FRMPD4: variants seen among roughly 807,000 people sequenced by gnomAD.
FRMPD4 encodes the protein FERM and PDZ domain containing 4, also known as FERM and PDZ domain-containing protein 4.
Under a neutral mutation model 94.1 loss-of-function variants are expected in FRMPD4, and 22 were observed. That is an observed-to-expected ratio of 0.23 (90% confidence interval 0.17 to 0.33). The LOEUF (loss-of-function observed/expected upper bound fraction) is 0.33. FRMPD4 is among the 10% of genes least tolerant of loss of function. FRMPD4 has a pLI of 1.00. For missense variants in FRMPD4, 1,111 were observed against 1,339.9 expected (o/e 0.83, Z 2.67); for synonymous variants, 631 against 548.6 (o/e 1.15, Z -2.10).
intron 1 of FRMPD4, among the ~76,000 whole-genome samples, chrX:12,342,831 T>C (rs766697748): frequency 1.8e-5 from 2 of 112,388 alleles, no homozygotes; most frequent in Middle Eastern, 4.6e-3. Flanking sequence ...AATTCATTTA[T>C]TCCTCATGAT....
At chrX:11,954,516 T>A (rs2054243847) in intron 3 of FRMPD4, among the ~76,000 whole-genome samples, 1 of 111,731 alleles carries the variant, frequency 9.0e-6, no homozygotes, top group Non-Finnish European at 1.9e-5. Context: ...GTTGAAGTGT[T>A]TTTTTCATGT....
intron 3 of FRMPD4, among the ~76,000 whole-genome samples, chrX:12,009,148 C>T (rs1235110703): frequency 8.9e-6 from 1 of 112,013 alleles, no homozygotes; most frequent in Non-Finnish European, 1.9e-5. Context: ...ATCTTGTGTT[C>T]TCACCACACA....
At chrX:11,987,123 A>C (rs1331819067) in intron 3 of FRMPD4, among the ~76,000 whole-genome samples, 1 of 97,330 alleles carries the variant, frequency 1.0e-5, no homozygotes, top group Non-Finnish European at 2.1e-5. Flanking sequence ...AAAAAAAAAA[A>C]AAAAAACAAC....
At chrX:12,425,750 A>C in intron 1 of FRMPD4, among the ~76,000 whole-genome samples, 1 of 112,099 alleles carries the variant, frequency 8.9e-6, no homozygotes, top group Non-Finnish European at 1.9e-5. Context: ...CTAGAGTGAG[A>C]AGGTCTTGAG....
intron 1 of FRMPD4, among the ~76,000 whole-genome samples, chrX:12,481,955 A>AAAAAATAAAT (rs2057689931): frequency 1.1e-5 from 1 of 94,856 alleles, no homozygotes; most frequent in Non-Finnish European, 2.1e-5. Context: ...AAAAAAAAAA[A>AAAAAATAAAT]AAAAAAAAAA....
At chrX:12,714,531 G>T (rs1368798942) in intron 14 of FRMPD4, among the ~76,000 whole-genome samples, 1 of 111,600 alleles carries the variant, frequency 9.0e-6, no homozygotes, top group Non-Finnish European at 1.9e-5. Flanking sequence ...TCTTTTGGGG[G>T]CCACCATTCA....
At chrX:12,279,818 A>G (rs1220333406) in intron 1 of FRMPD4, among the ~76,000 whole-genome samples, 3 of 110,929 alleles carry the variant, frequency 2.7e-5, no homozygotes, top group South Asian at 7.9e-4. Flanking sequence ...CAGAAGTGTC[A>G]TGCTACTCTG....
chrX:12,494,528 T>C (rs1377185231), intron 1 of FRMPD4, among the ~76,000 whole-genome samples: 1 of 111,403 alleles, frequency 9.0e-6, no homozygotes, highest in Non-Finnish European at 1.9e-5. Flanking sequence ...TCACATTCCT[T>C]CTCCCCTACG....
chrX:12,406,261 C>T lies in FRMPD4; in HGVS notation c.42-92419C>T, dbSNP rs151187995. 5.8e-3 allele frequency among the ~76,000 whole-genome samples: 645 copies of T among 111,538 alleles called. 4 individuals are homozygous for T. Among genetic ancestry groups the T allele is most frequent in the South Asian group, 9.4e-3 (25 of 2,652 alleles). On this transcript the variant is annotated intron_variant, in intron 1 of 16. Coordinates refer to ENST00000675598, the MANE Select transcript of FRMPD4 (RefSeq NM_001368397.1). ...TGGATTATGCTGATACATTCAAACACGCACAGATTTTCAGGAAATTTTCTG... is the reference window on the plus strand; with the variant it reads ...TGGATTATGCTGATACATTCAAACATGCACAGATTTTCAGGAAATTTTCTG...
rs759514038 is a variant in FRMPD4 at position 11,994,796 on chromosome X, A to G, written c.95+116778A>G. 9.8e-5 allele frequency among the ~76,000 whole-genome samples: 11 copies of G among 111,776 alleles called. No homozygotes were observed. In the East Asian group the frequency reaches 3.1e-3, roughly 31 times the overall value. On this transcript the variant is annotated intron_variant, in intron 3 of 18. Coordinates refer to the FRMPD4 transcript ENST00000640291. Reference sequence around the variant, plus strand: ...CACTTTGTGAGTGATAAGGGGGCTTATTCATCTCAGTAACTTGAACAGCCC... The same window carrying G: ...CACTTTGTGAGTGATAAGGGGGCTTGTTCATCTCAGTAACTTGAACAGCCC...
intron 1 of FRMPD4, among the ~76,000 whole-genome samples, chrX:12,472,436 G>A (rs2057524998): frequency 1.8e-5 from 2 of 112,480 alleles, no homozygotes; most frequent in East Asian, 2.8e-4. Flanking sequence ...ATATCTTGTT[G>A]TGGGGTCAGC....
intron 2 of FRMPD4, among the ~76,000 whole-genome samples, chrX:12,596,758 T>C (rs890147540): frequency 2.7e-5 from 3 of 111,354 alleles, no homozygotes; most frequent in Non-Finnish European, 5.6e-5. Flanking sequence ...TACTGCTACA[T>C]AGTTTTCCAA....
At chrX:12,146,072 G>T (rs755453921) in intron 1 of FRMPD4, among the ~76,000 whole-genome samples, 1 of 110,731 alleles carries the variant, frequency 9.0e-6, no homozygotes, top group Non-Finnish European at 1.9e-5. Context: ...TTTGAGAACT[G>T]TATTTCTCGG....
chrX:12,014,443 G>T (rs752855071), intron 3 of FRMPD4, among the ~76,000 whole-genome samples: 2 of 111,759 alleles, frequency 1.8e-5, no homozygotes, highest in South Asian at 3.8e-4. Context: ...CTACATTCCA[G>T]TTGTTTCATG....
intron 3 of FRMPD4, among the ~76,000 whole-genome samples, chrX:11,941,397 A>G (rs1031797265): frequency 9.0e-6 from 1 of 111,647 alleles, no homozygotes; most frequent in Admixed American, 9.5e-5. Flanking sequence ...CCTATAGGTC[A>G]TTCTGGTATT....
At chrX:12,541,514 C>A (rs1412217274) in intron 2 of FRMPD4, among the ~76,000 whole-genome samples, 1 of 111,831 alleles carries the variant, frequency 8.9e-6, no homozygotes, top group Non-Finnish European at 1.9e-5. Flanking sequence ...TTCCTGGACA[C>A]ACACATCCTC....
chrX:11,932,160 T>C (rs893418025), intron 3 of FRMPD4, among the ~76,000 whole-genome samples: 1 of 112,107 alleles, frequency 8.9e-6, no homozygotes, highest in Admixed American at 9.5e-5. Context: ...GGGATACTTA[T>C]TACAAAGAAA....
chrX:12,721,637 C>T lies in FRMPD4; in HGVS notation c.5068C>T (p.Arg1690Ter), dbSNP rs1351398175. 2 of 753,373 alleles carry T rather than the reference C, an allele frequency of 2.7e-6. No individual in the cohort carries two copies. The highest frequency in any genetic ancestry group is 3.1e-6 in the Non-Finnish European group (2 of 637,009). 62.1% of individuals were successfully genotyped at this position (753,373 alleles called of 1,213,427 possible). ...CTGTTGCCTAACAGAAGCTTGCATGCGATTAGTTAAAGTCGTGAACTCAGA... is the reference window on the plus strand; with the variant it reads ...CTGTTGCCTAACAGAAGCTTGCATGTGATTAGTTAAAGTCGTGAACTCAGA... ...VLCCLTEACM[R>*]LVKVVNSETQ... The change falls in exon 17 of 17, where the codon CGA becomes TGA. Residue 1690 changes from arginine (R) to a stop codon, truncating the protein, a stop_gained. Coordinates refer to ENST00000675598, the MANE Select transcript of FRMPD4 (RefSeq NM_001368397.1). LOFTEE classifies it high-confidence loss of function.
chrX:11,932,699 A>C (rs1179612969), intron 3 of FRMPD4, among the ~76,000 whole-genome samples: 1 of 110,158 alleles, frequency 9.1e-6, no homozygotes, highest in Non-Finnish European at 1.9e-5. Context: ...ATAAAAAAAA[A>C]AAAAAGATTT....
Sources: gnomAD v4.1 joint callset for allele counts (sites outside exome capture counted in the v4.1 genomes callset) on GRCh38, gnomAD v4.1.1 for gene constraint, MANE v1.5 for transcripts, NCBI Gene and HGNC (gene_info 2026-07-23, HGNC 2026-07-21) for gene names.